A2ML1: variants seen among roughly 807,000 people sequenced by gnomAD.
The protein encoded by A2ML1 is alpha-2-macroglobulin-like protein 1.
Under a neutral mutation model 181.9 loss-of-function variants are expected in A2ML1, and 161 were observed. The ratio of observed to expected loss-of-function variants is 0.89; its 90% CI spans 0.78 to 1.01. The LOEUF is 1.01. Among genes scored for constraint, A2ML1 ranks in the 50% least tolerant of loss-of-function variants. The pLI, the probability that A2ML1 is intolerant of heterozygous loss-of-function variation, is 0.00. For missense variants in A2ML1, 1,670 were observed against 1,768.1 expected (o/e 0.94, Z 1.00); for synonymous variants, 663 against 666.8 (o/e 0.99, Z 0.09).
chr12:8,828,338 T>C (rs770487568), intron 3 of A2ML1, among the ~76,000 whole-genome samples: 4 of 152,234 alleles, frequency 2.6e-5, no homozygotes, highest in Non-Finnish European at 5.9e-5. Flanking sequence ...CTTCCCACTC[T>C]TCCTTCCCCT....
intron 22 of A2ML1, among the ~76,000 whole-genome samples, chr12:8,855,110 G>C (rs986206218): frequency 6.6e-6 from 1 of 152,092 alleles, no homozygotes; most frequent in African/African-American, 2.4e-5. Context: ...GGCCAGGCTG[G>C]TCTCGAACTC....
intron 7 of A2ML1, 117 bp from the exon 8 acceptor site, chr12:8,837,323 T>G: frequency 1.4e-6 from 2 of 1,383,154 alleles, no homozygotes; most frequent in Non-Finnish European, 9.9e-7. Flanking sequence ...CTGGCCCAGA[T>G]TGTCAGAGCT....
At chr12:8,823,631 C>G (rs1035240345) in intron 2 of A2ML1, 89 bp from the exon 3 acceptor site, 1 of 1,441,140 alleles carries the variant, frequency 6.9e-7, no homozygotes, top group African/African-American at 1.4e-5. Flanking sequence ...TAACTCAGCT[C>G]TTTCCTTTAA....
intron 3 of A2ML1, among the ~76,000 whole-genome samples, chr12:8,825,346 A>T (rs987775666): frequency 6.6e-6 from 1 of 152,144 alleles, no homozygotes; most frequent in African/African-American, 2.4e-5. Context: ...CTGACAGTCA[A>T]TGATTTGAGC....
intron 33 of A2ML1, among the ~76,000 whole-genome samples, chr12:8,873,151 C>T (rs1416197864): frequency 2.0e-5 from 3 of 152,028 alleles, no homozygotes; most frequent in Admixed American, 6.6e-5. Flanking sequence ...GGAGGTCCCT[C>T]GACCACACTT....
rs7315591 is a variant in A2ML1, at chr12:8,874,437, A to G, written c.4234A>G (p.Thr1412Ala). ...NIYLDELIKN[T>A]QTYTFTISQS... The stretch of plus-strand genomic sequence containing the variant: ...GTCTTCCCCACAGCTCATTAAGAAC[A>G]CTCAGACTTACACCTTCACCATCAG... Residue 1412 changes from threonine (T) to alanine (A), a missense_variant, in exon 34 of 36, where the codon ACT becomes GCT. Coordinates refer to ENST00000299698, the MANE Select transcript of A2ML1 (RefSeq NM_144670.6). The G allele has an allele frequency of 4.8e-3, 7,717 of 1,613,884 alleles. 313 individuals carry two copies. The African/African-American group carries it at 0.088, about 18-fold the overall frequency.
chr12:8,884,224 A>AT lies in A2ML1; in HGVS notation c.*95-2277dup, dbSNP rs202171810. 7.5e-5 allele frequency among the ~76,000 whole-genome samples: 7 copies of AT among 93,728 alleles called. No homozygotes were observed. The East Asian group carries it at 1.5e-3, about 20-fold the overall frequency. 61.5% of individuals were successfully genotyped at this position (93,728 alleles called of 152,430 possible). On this transcript the variant is annotated intron_variant and NMD_transcript_variant, in intron 7 of 7. Coordinates refer to the A2ML1 transcript ENST00000537475. Reference sequence around the variant, plus strand: ...ACTTTCTTTTGAAATTCTTTTTTTTATTTTTTGTTTTTTTTTGTTTTGTTT... The same window carrying AT: ...ACTTTCTTTTGAAATTCTTTTTTTTATTTTTTTGTTTTTTTTTGTTTTGTTT...
chr12:8,848,939 C>T, intron 16 of A2ML1, 25 bp downstream of exon 16: 1 of 1,594,540 alleles, frequency 6.3e-7, no homozygotes, highest in Non-Finnish European at 8.5e-7. Flanking sequence ...CCATTTTGTT[C>T]TTATGGGAAA....
chr12:8,842,364 G>A (rs1002863589), intron 11 of A2ML1, among the ~76,000 whole-genome samples: 16 of 151,292 alleles, frequency 1.1e-4, no homozygotes, highest in Admixed American at 2.0e-4. Context: ...GACTACAGGC[G>A]CCTGCCACCA....
chr12:8,863,966 GGC>G lies in A2ML1; in HGVS notation c.3676_3677del (p.Ala1226GlnfsTer34), dbSNP rs144686314. On this transcript the variant is annotated frameshift_variant, in exon 29 of 36. Coordinates refer to ENST00000299698, the MANE Select transcript of A2ML1 (RefSeq NM_144670.6). LOFTEE classifies it high-confidence loss of function. ...AGGCCACTAGCATAGTGGCTTGGTT[GGC>G]CAAGCAACACAATGCATATGGGGGC... ...AKATSIVAWL[A>X]KQHNAYGGFS... The G allele has an allele frequency of 0.047, 76,613 of 1,613,182 alleles. 2,054 individuals are homozygous for G. The highest frequency in any genetic ancestry group is 0.085 in the Middle Eastern group (459 of 5,400).
chr12:8,867,706 T>C, intron 29 of A2ML1, 136 bp from the exon 30 acceptor site: 1 of 708,876 alleles, frequency 1.4e-6, no homozygotes, highest in Middle Eastern at 3.7e-4. Flanking sequence ...AGGAGGTGGG[T>C]ATAGTTCTCT....
intron 7 of A2ML1, among the ~76,000 whole-genome samples, chr12:8,885,976 T>TTGTTTTTTTGTCC (rs1944917630): frequency 6.6e-6 from 1 of 150,890 alleles, no homozygotes; most frequent in South Asian, 2.1e-4. Flanking sequence ...CTGTTTTGTC[T>TTGTTTTTTTGTCC]CATTGTTTAC....
chr12:8,875,830 A>AT (rs1944784794), intron 35 of A2ML1: 2 of 152,142 alleles, frequency 1.3e-5, no homozygotes, highest in Non-Finnish European at 2.9e-5. Flanking sequence ...AAATGGATTG[A>AT]TTTTTCCTGA....
At position 8,874,451 on chromosome 12, in the gene A2ML1, C is replaced by T; in HGVS notation, c.4248C>T (p.Thr1416=). The change falls in exon 34 of 36, where the codon ACC becomes ACT. Residue 1416 remains threonine (T), a synonymous_variant. Transcript: ENST00000299698. ...TCATTAAGAACACTCAGACTTACAC[C>T]TTCACCATCAGCCAAAGTGTGCTGG... ...DELIKNTQTY[T]FTISQSVLVT... is the part of the protein sequence containing the mutation. The T allele has an allele frequency of 6.2e-7, 1 of 1,614,048 alleles. No homozygotes were observed.
intron 14 of A2ML1, among the ~76,000 whole-genome samples, 172 bp from the exon 15 acceptor site, chr12:8,847,377 T>C (rs1943728111): frequency 6.6e-6 from 1 of 152,024 alleles, no homozygotes. Flanking sequence ...CCCAACTCTA[T>C]CACGGCATAC....
chr12:8,854,224 C>A lies in A2ML1; in HGVS notation c.2687C>A (p.Thr896Lys). Residue 896 changes from threonine to lysine, a missense_variant, in exon 21 of 36, where the codon ACG becomes AAG. By Grantham distance (78) the Thr-to-Lys change is moderately conservative. Coordinates refer to ENST00000299698, the MANE Select transcript of A2ML1 (RefSeq NM_144670.6). ...GFVPQKGRSD[T>K]LIKPVLVKPE... ...GTTCCCCAAAAGGGCCGAAGTGACA[C>A]GCTCATCAAGCCAGTTCTCGTCAAA... The A allele has an allele frequency of 6.2e-7, 1 of 1,607,688 alleles. No homozygotes were observed. Among genetic ancestry groups the A allele is most frequent in the South Asian group, 1.1e-5 (1 of 89,170 alleles).
In A2ML1 at chr12:8,850,240, C is replaced by A; in HGVS notation, c.2200C>A (p.Pro734Thr). 6.2e-7 allele frequency: 1 copy of A among 1,613,214 alleles called. No individual in the cohort carries two copies. Among genetic ancestry groups the A allele is most frequent in the South Asian group, 1.1e-5 (1 of 90,938 alleles). The change falls in exon 18 of 36, where the codon CCA becomes ACA. Residue 734 changes from proline (P) to threonine (T), a missense_variant. By Grantham distance (38) the Pro-to-Thr change is conservative. Transcript: ENST00000299698. ...GGATTCTCAGGTCCGCCAGTACTTC[C>A]CAGAGACCTGGCTCTGGGATCTGTT... ...AEDSQVRQYFPETWLWDLFPI... is the reference protein window; with the variant it reads ...AEDSQVRQYFTETWLWDLFPI...
chr12:8,827,602 G>T (rs756998311), intron 3 of A2ML1, among the ~76,000 whole-genome samples: 66 of 152,230 alleles, frequency 4.3e-4, no homozygotes, highest in Non-Finnish European at 7.9e-4. Context: ...TTGGTTGCTG[G>T]TGCCTTATTT....
At chr12:8,873,715 C>G (rs1408336411) in intron 33 of A2ML1, among the ~76,000 whole-genome samples, 1 of 152,054 alleles carries the variant, frequency 6.6e-6, no homozygotes, top group Non-Finnish European at 1.5e-5. Flanking sequence ...TCAAGGAAAG[C>G]CTCTTTGAGG....
Sources: allele counts gnomAD v4.1 joint callset (sites outside exome capture counted in the v4.1 genomes callset), GRCh38; gene constraint gnomAD v4.1.1; transcripts MANE v1.5; gene names NCBI Gene and HGNC (gene_info 2026-07-23, HGNC 2026-07-21).